The following WDPCP variants were observed in gnomAD, a reference collection of about 807,000 sequenced individuals.
WDPCP encodes the protein WD repeat-containing and planar cell polarity effector protein fritz homolog.
WDPCP carries 71 observed loss-of-function variants against 93.1 expected under a neutral mutation model. The observed-to-expected ratio is 0.76, with a 90% CI of 0.63 to 0.93. The LOEUF is 0.93. Among genes scored for constraint, WDPCP ranks in the 40% least tolerant of loss-of-function variants. The probability of loss-of-function intolerance (pLI) is 0.00; values close to 1 mark genes in which losing one functional copy is unlikely to be tolerated. For missense variants in WDPCP, 844 were observed against 887.4 expected, an observed-to-expected ratio of 0.95 and a Z score of 0.62; for synonymous variants, 315 against 315.0, an observed-to-expected ratio of 1.00 and a Z score of 0.00.
chr2:63,428,121 A>C (rs1285775517), intron 9 of WDPCP, among the ~76,000 whole-genome samples: 3 of 151,950 alleles, frequency 2.0e-5, no homozygotes, highest in Non-Finnish European at 4.4e-5. Context: ...GACCAGATGG[A>C]TTCACAGCCG....
At chr2:63,502,298 A>G (rs72806004) in intron 1 of WDPCP, among the ~76,000 whole-genome samples, 29,502 of 152,150 alleles carry the variant, frequency 0.19, 3,681 homozygotes, top group Non-Finnish European at 0.25. Context: ...TGACTTATCC[A>G]TTCTCTTAAT....
intron 2 of WDPCP, among the ~76,000 whole-genome samples, chr2:63,768,700 G>T (rs1670182170): frequency 6.6e-6 from 1 of 151,964 alleles, no homozygotes; most frequent in Non-Finnish European, 1.5e-5. Context: ...GAACTATATT[G>T]AATAACACAA....
intron 1 of WDPCP, among the ~76,000 whole-genome samples, chr2:63,816,458 GAGAC>G (rs1670933576): frequency 6.6e-6 from 1 of 152,116 alleles, no homozygotes; most frequent in South Asian, 2.1e-4. Flanking sequence ...GTCCATATAA[GAGAC>G]AGAAGATAAG....
chr2:63,825,400 G>A (rs1366799543), intron 1 of WDPCP, among the ~76,000 whole-genome samples: 1 of 152,062 alleles, frequency 6.6e-6, no homozygotes, highest in African/African-American at 2.4e-5. Flanking sequence ...ATTGTTCAAG[G>A]ATTGGGAGTC....
intron 14 of WDPCP, among the ~76,000 whole-genome samples, chr2:63,251,649 G>A (rs2104719046): frequency 6.6e-6 from 1 of 151,734 alleles, no homozygotes; most frequent in East Asian, 1.9e-4. Context: ...TCACCATCAT[G>A]CCTGGCTAAT....
chr2:63,517,466 A>G (rs963882377), intron 1 of WDPCP, among the ~76,000 whole-genome samples: 2 of 152,168 alleles, frequency 1.3e-5, no homozygotes, highest in South Asian at 2.1e-4. Context: ...ATAAAATGCA[A>G]TAAGTCTAAA....
At chr2:63,795,936 G>A (rs75850860) in intron 2 of WDPCP, among the ~76,000 whole-genome samples, 101 of 152,312 alleles carry the variant, frequency 6.6e-4, no homozygotes, top group Non-Finnish European at 1.2e-3. Flanking sequence ...TGCATCAGGA[G>A]AGATTGGTCT....
intron 3 of WDPCP, chr2:63,622,959 C>A: frequency 1.3e-6 from 1 of 759,466 alleles, no homozygotes; most frequent in Non-Finnish European, 2.1e-6. Flanking sequence ...CAGTCACCAC[C>A]GCACGGCGCC....
chr2:63,645,440 G>A (rs746640745), intron 3 of WDPCP, among the ~76,000 whole-genome samples: 32 of 152,270 alleles, frequency 2.1e-4, no homozygotes, highest in Non-Finnish European at 4.0e-4. Context: ...TTACCCTTGA[G>A]AATGATCCAA....
At chr2:63,388,087 T>C (rs1051990804) in intron 10 of WDPCP, among the ~76,000 whole-genome samples, 1 of 152,002 alleles carries the variant, frequency 6.6e-6, no homozygotes, top group African/African-American at 2.4e-5. Flanking sequence ...CCTATCAAAC[T>C]ACCAATGACA....
chr2:63,341,152 A>C (rs1688805054), intron 12 of WDPCP, among the ~76,000 whole-genome samples: 1 of 152,206 alleles, frequency 6.6e-6, no homozygotes, highest in Non-Finnish European at 1.5e-5. Context: ...TTTTAAAGAC[A>C]GAGTCTCACT....
chr2:63,622,774 C>G, intron 3 of WDPCP: 2 of 1,612,386 alleles, frequency 1.2e-6, no homozygotes, highest in Non-Finnish European at 1.7e-6. Flanking sequence ...CAGAAGGCGG[C>G]GAACACTTGG....
intron 13 of WDPCP, among the ~76,000 whole-genome samples, chr2:63,260,795 G>A (rs1332034138): frequency 2.6e-5 from 4 of 152,100 alleles, no homozygotes; most frequent in Admixed American, 6.6e-5. Context: ...TGATCTGCCC[G>A]CCTCGGCCTC....
intron 2 of WDPCP, among the ~76,000 whole-genome samples, chr2:63,707,504 T>C (rs562285737): frequency 1.3e-5 from 2 of 152,244 alleles, no homozygotes; most frequent in East Asian, 3.9e-4. Context: ...TTCTCTGCAT[T>C]GGTTATTCTA....
intron 14 of WDPCP, among the ~76,000 whole-genome samples, chr2:63,197,458 C>G (rs1337308691): frequency 6.6e-6 from 1 of 152,116 alleles, no homozygotes; most frequent in Non-Finnish European, 1.5e-5. Flanking sequence ...CCTAAACCCC[C>G]ACCTTGTTCA....
chr2:63,460,392 A>C (rs1698925679), intron 6 of WDPCP, among the ~76,000 whole-genome samples: 1 of 152,230 alleles, frequency 6.6e-6, no homozygotes, highest in Non-Finnish European at 1.5e-5. Context: ...TAGAAGAAAT[A>C]AGTTATAATG....
intron 6 of WDPCP, among the ~76,000 whole-genome samples, chr2:63,467,114 A>G (rs145749127): frequency 1.3e-5 from 2 of 152,322 alleles, no homozygotes; most frequent in African/African-American, 2.4e-5. Context: ...GTCAATTATC[A>G]TAGGTCATTG....
At chr2:63,154,278 C>A (rs920219145) in intron 15 of WDPCP, among the ~76,000 whole-genome samples, 1 of 151,816 alleles carries the variant, frequency 6.6e-6, no homozygotes, top group Non-Finnish European at 1.5e-5. Context: ...TTCATCATGC[C>A]AAAAAACCCT....
chr2:63,229,980 C>T (rs1231338333), intron 14 of WDPCP: 2 of 151,932 alleles, frequency 1.3e-5, no homozygotes, highest in Non-Finnish European at 2.9e-5. Flanking sequence ...TACGTGTGCA[C>T]AATGTGCAGG....
Sources: gnomAD v4.1 joint callset for allele counts (sites outside exome capture counted in the v4.1 genomes callset) on GRCh38, gnomAD v4.1.1 for gene constraint, MANE v1.5 for transcripts, NCBI Gene and HGNC (gene_info 2026-07-23, HGNC 2026-07-21) for gene names.